Variants in PHACTR3 observed in about 807,000 individuals in gnomAD.
PHACTR3 encodes the protein phosphatase and actin regulator 3.
Under a neutral mutation model 66.8 loss-of-function variants are expected in PHACTR3, and 16 were observed. That is an observed-to-expected ratio of 0.24 (90% CI 0.16 to 0.36). The LOEUF (loss-of-function observed/expected upper bound fraction) is 0.36. Among genes scored for constraint, PHACTR3 ranks in the 10% least tolerant of loss-of-function variants. The pLI is 1.00. For missense variants in PHACTR3, 647 were observed against 719.9 expected (o/e 0.90, Z 1.16); for synonymous variants, 323 against 292.1 (o/e 1.11, Z -1.08).
intron 1 of PHACTR3, among the ~76,000 whole-genome samples, chr20:59,697,689 A>T (rs995118381): frequency 6.6e-6 from 1 of 152,244 alleles, no homozygotes; most frequent in Non-Finnish European, 1.5e-5. Context: ...AGGAGAAAAG[A>T]GGAAAAAAGA....
intron 1 of PHACTR3, among the ~76,000 whole-genome samples, chr20:59,633,311 C>T (rs577225992): frequency 1.8e-4 from 27 of 152,276 alleles, no homozygotes; most frequent in African/African-American, 6.3e-4. Context: ...CCATGGAATA[C>T]TATGCAGCCA....
chr20:59,836,142 A>T (rs1300963230), intron 8 of PHACTR3: 1 of 172,406 alleles, frequency 5.8e-6, no homozygotes, highest in African/African-American at 2.4e-5. Context: ...TCCCTAAGCC[A>T]ATGGGCAGGA....
chr20:59,580,830 G>C (rs2032835185), intron 1 of PHACTR3, among the ~76,000 whole-genome samples: 1 of 152,190 alleles, frequency 6.6e-6, no homozygotes, highest in South Asian at 2.1e-4. Flanking sequence ...GACTTAGCAG[G>C]CTTTTCTGGT....
rs944947791 is a variant in PHACTR3 at position 59,604,942 on chromosome 20, G to A, written c.-73G>A. ...AGACGCCCCCTCCAGCCCCCTCGCCGGTGACCTTGGCCGCCTCGGATGCTC... is the reference window on the plus strand; with the variant it reads ...AGACGCCCCCTCCAGCCCCCTCGCCAGTGACCTTGGCCGCCTCGGATGCTC... On this transcript the variant is annotated 5_prime_UTR_variant, in exon 1 of 13. Coordinates refer to ENST00000371015, the MANE Select transcript of PHACTR3 (RefSeq NM_080672.5). 496 of 1,165,564 alleles carry A rather than the reference G, an allele frequency of 4.3e-4. 4 individuals carry two copies. The highest frequency in any genetic ancestry group is 2.4e-3 in the African/African-American group (142 of 59,902). The allele number at this position is 1,165,564 out of a possible 1,614,324, so 72.2% of individuals were successfully genotyped here. A position where few individuals can be genotyped will look rare whatever the true frequency, so the allele number is the denominator to read the frequency against.
intron 7 of PHACTR3, among the ~76,000 whole-genome samples, chr20:59,775,832 G>A (rs1275786989): frequency 6.6e-6 from 1 of 152,238 alleles, no homozygotes. Context: ...GGATGGTCAA[G>A]GGCTAGAGCA....
intron 8 of PHACTR3, among the ~76,000 whole-genome samples, chr20:59,832,377 G>A (rs930653596): frequency 5.3e-5 from 8 of 152,196 alleles, no homozygotes; most frequent in Non-Finnish European, 1.0e-4. Flanking sequence ...TATACTTAGG[G>A]TAACAAGTAT....
chr20:59,794,820 G>A (rs576412951), intron 7 of PHACTR3, among the ~76,000 whole-genome samples: 21 of 152,016 alleles, frequency 1.4e-4, no homozygotes, highest in South Asian at 4.1e-4. Flanking sequence ...CCAATTGTTC[G>A]TACTGTGCAT....
intron 1 of PHACTR3, among the ~76,000 whole-genome samples, chr20:59,707,641 T>C (rs2037757432): frequency 6.6e-6 from 1 of 151,974 alleles, no homozygotes; most frequent in Non-Finnish European, 1.5e-5. Flanking sequence ...AATTTTGTAT[T>C]TTTAGTAGAG....
At chr20:59,785,805 A>C (rs919630752) in intron 7 of PHACTR3, among the ~76,000 whole-genome samples, 5 of 152,104 alleles carry the variant, frequency 3.3e-5, no homozygotes, top group Admixed American at 6.5e-5. Flanking sequence ...ACAGCGTGTG[A>C]GGTCCGATCC....
intron 1 of PHACTR3, among the ~76,000 whole-genome samples, chr20:59,629,365 C>T (rs2034582305): frequency 6.6e-6 from 1 of 152,236 alleles, no homozygotes; most frequent in African/African-American, 2.4e-5. Flanking sequence ...CCCAGCCTTC[C>T]CCTTCTCCCT....
At chr20:59,709,481 GT>G (rs1385426149) in intron 1 of PHACTR3, among the ~76,000 whole-genome samples, 6 of 151,882 alleles carry the variant, frequency 4.0e-5, no homozygotes, top group Non-Finnish European at 8.8e-5. Context: ...AGAAGCCAGG[GT>G]TTTTTTTCCA....
chr20:59,742,849 C>A (rs73917917), intron 1 of PHACTR3, among the ~76,000 whole-genome samples: 1 of 152,106 alleles, frequency 6.6e-6, no homozygotes, highest in Non-Finnish European at 1.5e-5. Context: ...TCACACGTGG[C>A]GCGTCATATG....
At chr20:59,764,866 A>G (rs2040128325) in intron 4 of PHACTR3, among the ~76,000 whole-genome samples, 1 of 152,190 alleles carries the variant, frequency 6.6e-6, no homozygotes, top group South Asian at 2.1e-4. Context: ...CCAGGAAGAA[A>G]CTTCCTAGAA....
intron 7 of PHACTR3, among the ~76,000 whole-genome samples, chr20:59,800,258 C>T (rs2041372532): frequency 6.6e-6 from 1 of 152,156 alleles, no homozygotes; most frequent in Non-Finnish European, 1.5e-5. Context: ...ACTCTTCTTT[C>T]CTTGGTATAG....
In PHACTR3 at chr20:59,703,615, A is replaced by G. The variant is rs549478073; in HGVS notation, c.119-39492A>G. ...ACATGTGCATGATAAATATTTTCAG[A>G]TCAGTGAAAGAAATAAAATAATTTT... On this transcript the variant is annotated intron_variant, in intron 1 of 12. Transcript: ENST00000371015. Among the ~76,000 whole-genome samples the G allele has an allele frequency of 5.9e-5, 9 of 152,326 alleles. No individual in the cohort carries two copies. The East Asian group carries it at 1.7e-3, about 29-fold the overall frequency.
chr20:59,836,787 GTTT>G (rs2058975801), intron 9 of PHACTR3, among the ~76,000 whole-genome samples: 2 of 152,106 alleles, frequency 1.3e-5, no homozygotes, highest in African/African-American at 4.8e-5. Flanking sequence ...GCATAAAGAT[GTTT>G]TTATTTTCAG....
At chr20:59,646,312 T>C (rs372717300) in intron 1 of PHACTR3, among the ~76,000 whole-genome samples, 30 of 152,272 alleles carry the variant, frequency 2.0e-4, no homozygotes, top group African/African-American at 7.0e-4. Context: ...TTTTAAAAAA[T>C]TGGGTTGGTT....
At chr20:59,702,317 G>A (rs2037534752) in intron 1 of PHACTR3, among the ~76,000 whole-genome samples, 1 of 152,112 alleles carries the variant, frequency 6.6e-6, no homozygotes, top group Non-Finnish European at 1.5e-5. Context: ...CCACTCTGCA[G>A]ACCCTCCAGC....
At chr20:59,595,956 G>A (rs2033316470) in intron 1 of PHACTR3, among the ~76,000 whole-genome samples, 2 of 151,852 alleles carry the variant, frequency 1.3e-5, no homozygotes, top group African/African-American at 4.8e-5. Flanking sequence ...TACCATAAAC[G>A]TTCATCTTGA....
Sources: allele counts gnomAD v4.1 joint callset (sites outside exome capture counted in the v4.1 genomes callset), GRCh38; gene constraint gnomAD v4.1.1; transcripts MANE v1.5; gene names NCBI Gene and HGNC (gene_info 2026-07-23, HGNC 2026-07-21).